The following PHTF2 variants were observed in gnomAD, a reference collection of about 807,000 sequenced individuals.
PHTF2 encodes putative homeodomain transcription factor 2.
PHTF2 carries 60 observed loss-of-function variants against 101.2 expected under a neutral mutation model. That is an observed-to-expected ratio of 0.59 (90% CI 0.48 to 0.73). The LOEUF (loss-of-function observed/expected upper bound fraction) is 0.73. Among genes scored for constraint, PHTF2 ranks in the 30% least tolerant of loss-of-function variants. The probability of loss-of-function intolerance (pLI) is 0.00; values close to 1 mark genes in which losing one functional copy is unlikely to be tolerated. For synonymous variants in PHTF2, 311 were observed against 307.3 expected, an observed-to-expected ratio of 1.01 and a Z score of -0.13; for missense variants, 747 against 908.7, an observed-to-expected ratio of 0.82 and a Z score of 2.29.
intron 12 of PHTF2, among the ~76,000 whole-genome samples, chr7:77,934,652 T>A (rs1804917718): frequency 6.6e-6 from 1 of 152,236 alleles, no homozygotes; most frequent in Non-Finnish European, 1.5e-5. Context: ...AAATTTTAGT[T>A]TGAAAACATA....
In PHTF2 at chr7:77,827,579, C is replaced by T. The variant is rs150480739; in HGVS notation, c.-35-12642C>T. ...ATCTTGGCCAGGCTGGTCTTGAACT[C>T]CTGACTTCATGATCTACCTGCCTTG... On this transcript the variant is annotated intron_variant, in intron 1 of 19. Coordinates refer to ENST00000416283, the Ensembl canonical transcript of PHTF2. 4.9e-4 allele frequency among the ~76,000 whole-genome samples: 74 copies of T among 152,190 alleles called. No individual in the cohort carries two copies. The East Asian group carries it at 0.013, about 26-fold the overall frequency.
At position 77,949,661 on chromosome 7, in the gene PHTF2, CT is replaced by C; in HGVS notation, c.1960-12del. 3 of 1,449,026 alleles carry C rather than the reference CT, an allele frequency of 2.1e-6. No individual in the cohort carries two copies. The highest frequency in any genetic ancestry group is 2.2e-5 in the Admixed American group (1 of 44,546). 89.8% of individuals were successfully genotyped at this position (1,449,026 alleles called of 1,614,324 possible). On this transcript the variant is annotated splice_polypyrimidine_tract_variant and intron_variant, in intron 16 of 19. Transcript: ENST00000416283. ...GAATCACATTGCTGCTTTATGTTAC[CT>C]TTTTCATACTTTTAGCTACTTCATG... is the stretch of plus-strand genomic sequence containing the variant.
At chr7:77,879,517 T>C (rs1799232467) in intron 3 of PHTF2, among the ~76,000 whole-genome samples, 1 of 152,208 alleles carries the variant, frequency 6.6e-6, no homozygotes, top group African/African-American at 2.4e-5. Flanking sequence ...TATGAACCAG[T>C]TGAATTATTT....
chr7:77,881,856 G>A (rs949186490), intron 3 of PHTF2, among the ~76,000 whole-genome samples: 1 of 152,000 alleles, frequency 6.6e-6, no homozygotes, highest in African/African-American at 2.4e-5. Flanking sequence ...ATCTTTCAGC[G>A]GTATGCAACA....
intron 1 of PHTF2, among the ~76,000 whole-genome samples, chr7:77,800,287 G>A (rs1037433592): frequency 6.6e-6 from 1 of 152,206 alleles, no homozygotes; most frequent in Non-Finnish European, 1.5e-5. Context: ...TAACGTAGAG[G>A]AGAGGAATCT....
At chr7:77,831,464 A>G (rs1795072980) in intron 1 of PHTF2, among the ~76,000 whole-genome samples, 2 of 152,224 alleles carry the variant, frequency 1.3e-5, no homozygotes, top group African/African-American at 2.4e-5. Context: ...AGCTAGTACC[A>G]TAACTAGATT....
chr7:77,830,076 G>A (rs1283650030), intron 1 of PHTF2, among the ~76,000 whole-genome samples: 1 of 152,112 alleles, frequency 6.6e-6, no homozygotes, highest in Non-Finnish European at 1.5e-5. Context: ...TTTAATATAG[G>A]CGAAAAGTTT....
chr7:77,840,319 C>G lies in PHTF2; in HGVS notation c.45+19C>G. Reference sequence around the variant, plus strand: ...AAAGAAGGTAAGTTGATAGTCAAAACTTTTAGCTTTCTAAATGTTTGAATT... The same window carrying G: ...AAAGAAGGTAAGTTGATAGTCAAAAGTTTTAGCTTTCTAAATGTTTGAATT... On this transcript the variant is annotated intron_variant, in intron 2 of 19. Coordinates refer to ENST00000416283, the Ensembl canonical transcript of PHTF2. The G allele has an allele frequency of 6.5e-7, 1 of 1,537,614 alleles. No homozygotes were observed. The highest frequency in any genetic ancestry group is 9.0e-7 in the Non-Finnish European group (1 of 1,111,846).
intron 16 of PHTF2, among the ~76,000 whole-genome samples, chr7:77,943,348 C>T (rs1805791342): frequency 6.6e-6 from 1 of 152,120 alleles, no homozygotes; most frequent in Non-Finnish European, 1.5e-5. Context: ...AGGATGGTCT[C>T]AATCTCCTGA....
exon 17 of PHTF2, chr7:77,949,826 C>A: frequency 6.8e-7 from 1 of 1,479,642 alleles, no homozygotes; most frequent in Non-Finnish European, 9.3e-7. Flanking sequence ...ATATTACTTA[C>A]TGAACAGGTG....
chr7:77,891,357 T>C (rs1800387431), intron 3 of PHTF2, among the ~76,000 whole-genome samples: 1 of 152,190 alleles, frequency 6.6e-6, no homozygotes, highest in Non-Finnish European at 1.5e-5. Context: ...GGAAGATGAC[T>C]GATTGATTGA....
chr7:77,940,138 G>A, exon 14 of PHTF2: 1 of 1,613,784 alleles, frequency 6.2e-7, no homozygotes, highest in Non-Finnish European at 8.5e-7. Flanking sequence ...TACAGACTTG[G>A]AACAACTCAC....
At chr7:77,955,037 G>T in exon 20 of PHTF2, 2 of 376,730 alleles carry the variant, frequency 5.3e-6, no homozygotes, top group South Asian at 1.2e-4. Context: ...TTATTTTACT[G>T]GTTCACTTTT....
chr7:77,900,708 T>C lies in PHTF2; in HGVS notation c.217-3T>C. On this transcript the variant is annotated splice_region_variant and splice_polypyrimidine_tract_variant and intron_variant, in intron 5 of 19. Coordinates refer to ENST00000416283, the Ensembl canonical transcript of PHTF2. ...TTCCAATGCTTCTTTTGATATATTA[T>C]AGGGGCTAAGGAATAAACCAAAGAA... 4 of 1,468,438 alleles carry C rather than the reference T, an allele frequency of 2.7e-6. No individual in the cohort carries two copies. Among genetic ancestry groups the C allele is most frequent in the African/African-American group, 1.4e-5 (1 of 72,218 alleles). The allele number at this position is 1,468,438 out of a possible 1,614,324, so 91.0% of individuals were successfully genotyped here.
intron 12 of PHTF2, among the ~76,000 whole-genome samples, chr7:77,932,615 AGAGAGAGTGT>A (rs1166059490): frequency 1.4e-4 from 16 of 114,514 alleles, no homozygotes; most frequent in South Asian, 5.5e-4. Flanking sequence ...AGAGAGAGAG[AGAGAGAGTGT>A]GTGTGTGTGT....
chr7:77,875,156 C>T (rs1222305509), intron 3 of PHTF2, among the ~76,000 whole-genome samples: 10 of 152,066 alleles, frequency 6.6e-5, no homozygotes, highest in East Asian at 1.9e-4. Flanking sequence ...TGCATTGACT[C>T]AGTAGATTAT....
intron 1 of PHTF2, among the ~76,000 whole-genome samples, chr7:77,807,017 AACACACATAC>A (rs1310847867): frequency 6.6e-6 from 1 of 152,186 alleles, no homozygotes; most frequent in Non-Finnish European, 1.5e-5. Flanking sequence ...AAGAGATTTA[AACACACATAC>A]ACACACATAC....
intron 1 of PHTF2, among the ~76,000 whole-genome samples, chr7:77,811,568 A>C (rs1288654216): frequency 3.3e-5 from 5 of 152,148 alleles, no homozygotes; most frequent in African/African-American, 1.2e-4. Flanking sequence ...TGTGATAAAG[A>C]AAAGCTTCTA....
intron 3 of PHTF2, among the ~76,000 whole-genome samples, chr7:77,869,081 C>G (rs1015771774): frequency 1.3e-5 from 2 of 152,124 alleles, no homozygotes; most frequent in Non-Finnish European, 2.9e-5. Context: ...GTCATTGGTT[C>G]TCTTTTGACT....
Sources: gnomAD v4.1 joint callset for allele counts (sites outside exome capture counted in the v4.1 genomes callset) on GRCh38, gnomAD v4.1.1 for gene constraint, MANE v1.5 for transcripts, NCBI Gene and HGNC (gene_info 2026-07-23, HGNC 2026-07-21) for gene names.